Variants in ZNF738 observed in about 807,000 individuals in gnomAD.
ZNF738 encodes the protein zinc finger protein 738, also known as protein ZNF738.
In ZNF738, 10 loss-of-function variants were observed where a neutral mutation model predicts 9.2. The observed-to-expected ratio is 1.09, with a 90% CI of 0.67 to 1.85. The LOEUF (loss-of-function observed/expected upper bound fraction) is 1.85, where lower values mean the gene tolerates loss of function less well. Among genes scored for constraint, ZNF738 ranks in the 40% most tolerant of loss-of-function variants. ZNF738 has a pLI of 0.00. For synonymous variants in ZNF738, 113 were observed against 94.5 expected, an observed-to-expected ratio of 1.20 and a Z score of -1.14; for missense variants, 346 against 283.6, an observed-to-expected ratio of 1.22 and a Z score of -1.58.
At chr19:21,363,384 T>G (rs1973726125) in intron 2 of ZNF738, among the ~76,000 whole-genome samples, 1 of 152,172 alleles carries the variant, frequency 6.6e-6, no homozygotes, top group Non-Finnish European at 1.5e-5. Flanking sequence ...TAGTTTTTTC[T>G]GGAGTGCCTC....
intron 2 of ZNF738, among the ~76,000 whole-genome samples, chr19:21,370,063 C>T (rs6511233): frequency 0.57 from 85,987 of 152,036 alleles, 24,603 homozygotes; most frequent in Middle Eastern, 0.69. Flanking sequence ...CCGCCAACCT[C>T]GGCCTCCCAA....
chr19:21,362,097 G>T (rs12397583), intron 2 of ZNF738, among the ~76,000 whole-genome samples: 1 of 148,110 alleles, frequency 6.8e-6, no homozygotes, highest in African/African-American at 2.5e-5. Flanking sequence ...TAATAATAAT[G>T]ATAATAATAA....
chr19:21,368,631 T>A lies in ZNF738; in HGVS notation c.97-6607T>A, dbSNP rs139076790. On this transcript the variant is annotated intron_variant, in intron 2 of 4. Transcript: ENST00000683779. ...TGCCACCAAGCCCTGCTAATTTTTGTATTTTTAGTAGAGATGGGGTTTCAC... is the reference window on the plus strand; with the variant it reads ...TGCCACCAAGCCCTGCTAATTTTTGAATTTTTAGTAGAGATGGGGTTTCAC... Among the ~76,000 whole-genome samples the A allele has an allele frequency of 7.0e-3, 1,061 of 151,932 alleles. 12 individuals are homozygous for A. The highest frequency in any genetic ancestry group is 0.024 in the African/African-American group (985 of 41,424).
At chr19:21,378,528 CA>C (rs1376570585) in intron 4 of ZNF738, 2 of 258,164 alleles carry the variant, frequency 7.7e-6, no homozygotes, top group African/African-American at 4.7e-5. Context: ...CTATATCACA[CA>C]GTTTTCTTCT....
chr19:21,383,413 A>T lies in ZNF738; in HGVS notation c.867A>T (p.Lys289Asn), dbSNP rs1974030116. ...TTCATGCTGGAGAGAAACACTACAA[A>T]TGTGAAAAATGTGGCAAAGATTTTA... ...KVIHAGEKHYKCEKCGKDFKQ... is the reference protein window; with the variant it reads ...KVIHAGEKHYNCEKCGKDFKQ... Residue 289 changes from lysine to asparagine, a missense_variant, in exon 5 of 5, where the codon AAA becomes AAT. Transcript: ENST00000683779. The T allele has an allele frequency of 3.5e-6, 2 of 573,370 alleles. No individual in the cohort carries two copies. Among genetic ancestry groups the T allele is most frequent in the Non-Finnish European group, 6.0e-6 (2 of 331,250 alleles). 35.5% of individuals were successfully genotyped at this position (573,370 alleles called of 1,614,324 possible). A position where few individuals can be genotyped will look rare whatever the true frequency, so the allele number is the denominator to read the frequency against.
intron 3 of ZNF738, 85 bp downstream of exon 3, chr19:21,375,449 T>C (rs2145233713): frequency 5.0e-6 from 3 of 601,992 alleles, no homozygotes; most frequent in Non-Finnish European, 9.0e-6. Context: ...TGGTAGTTTA[T>C]GCTTTGCATA....
chr19:21,364,401 G>GTTCT (rs1163420133), intron 2 of ZNF738, among the ~76,000 whole-genome samples: 1 of 152,038 alleles, frequency 6.6e-6, no homozygotes, highest in Non-Finnish European at 1.5e-5. Context: ...AAGTCAGCAT[G>GTTCT]TTCTTAGGAG....
rs773857889 is a variant in ZNF738, at chr19:21,385,850, A to G, written c.*2176A>G. On this transcript the variant is annotated 3_prime_UTR_variant, in exon 5 of 5. Coordinates refer to ENST00000683779, the MANE Select transcript of ZNF738 (RefSeq NM_001355237.2). ...GTGATTCATTCTGGAGAGAAATTCTACAAATGTGAAGAATGTGGCAAAGGC... is the reference window on the plus strand; with the variant it reads ...GTGATTCATTCTGGAGAGAAATTCTGCAAATGTGAAGAATGTGGCAAAGGC... Among the ~76,000 whole-genome samples the G allele has an allele frequency of 1.4e-4, 21 of 152,198 alleles. No homozygotes were observed. Among genetic ancestry groups the G allele is most frequent in the Non-Finnish European group, 2.6e-4 (18 of 68,032 alleles).
chr19:21,368,663 G>A (rs906734649), intron 2 of ZNF738, among the ~76,000 whole-genome samples: 3 of 151,776 alleles, frequency 2.0e-5, no homozygotes, highest in African/African-American at 7.3e-5. Context: ...TCACCATGTT[G>A]CTCAGGATGG....
chr19:21,383,867 A>C lies in ZNF738; in HGVS notation c.*193A>C. ...GTGGCAAAGCTTTCTTCAGATTCTC[A>C]TACCTTACTACACATAAGATAATTC... On this transcript the variant is annotated 3_prime_UTR_variant, in exon 5 of 5. Transcript: ENST00000683779. The C allele has an allele frequency of 7.3e-7, 1 of 1,374,830 alleles. No individual in the cohort carries two copies. The highest frequency in any genetic ancestry group is 1.0e-6 in the Non-Finnish European group (1 of 970,622). The allele number at this position is 1,374,830 out of a possible 1,614,324, so 85.2% of individuals were successfully genotyped here. A position where few individuals can be genotyped will look rare whatever the true frequency, so the allele number is the denominator to read the frequency against.
At chr19:21,367,718 T>G (rs1195241903) in intron 2 of ZNF738, among the ~76,000 whole-genome samples, 1 of 152,134 alleles carries the variant, frequency 6.6e-6, no homozygotes, top group African/African-American at 2.4e-5. Flanking sequence ...AAAGGAGATC[T>G]AATGACAGAC....
rs1258335364 is a variant in ZNF738 at position 21,386,678 on chromosome 19, A to G, written c.*3004A>G. ...TTGGAGATTAACCTTATGAGTGTGA[A>G]AAATATGGCAAAAGCTTTAACTAGT... On this transcript the variant is annotated 3_prime_UTR_variant, in exon 5 of 5. Transcript: ENST00000683779. 5.5e-6 allele frequency: 1 copy of G among 181,704 alleles called. No homozygotes were observed. The highest frequency in any genetic ancestry group is 1.2e-5 in the Non-Finnish European group (1 of 81,008). 11.3% of individuals were successfully genotyped at this position (181,704 alleles called of 1,614,324 possible).
intron 4 of ZNF738, chr19:21,378,519 T>C (rs1973963140): frequency 8.3e-6 from 2 of 242,346 alleles, no homozygotes; most frequent in Middle Eastern, 1.8e-3. Context: ...CAGATTTCAC[T>C]ATATCACACA....
At chr19:21,361,160 G>T (rs528756536) in intron 1 of ZNF738, among the ~76,000 whole-genome samples, 1 of 150,956 alleles carries the variant, frequency 6.6e-6, no homozygotes, top group Admixed American at 6.6e-5. Flanking sequence ...GTTTTGAGAC[G>T]GAGTTTTGCT....
chr19:21,371,643 G>A (rs563637822), intron 2 of ZNF738, among the ~76,000 whole-genome samples: 7 of 152,312 alleles, frequency 4.6e-5, no homozygotes, highest in African/African-American at 1.7e-4. Flanking sequence ...TGGATACATG[G>A]TTGAATTAAG....
intron 4 of ZNF738, among the ~76,000 whole-genome samples, chr19:21,382,089 G>A (rs2937173): frequency 1.4e-4 from 11 of 80,578 alleles, no homozygotes; most frequent in African/African-American, 5.0e-4. Flanking sequence ...TTTTTGAGAT[G>A]TAGTCTTGCT....
intron 4 of ZNF738, chr19:21,378,621 T>C: frequency 2.8e-6 from 1 of 360,882 alleles, no homozygotes; most frequent in Non-Finnish European, 5.8e-6. Flanking sequence ...TTTTTTTTTT[T>C]TTTTGAGATG....
Position 21,386,285 on chromosome 19 carries a change from T to C in ZNF738, c.*2611T>C, listed in dbSNP as rs139265884. 532 of 284,118 alleles carry C rather than the reference T, an allele frequency of 1.9e-3. 3 individuals carry two copies. The highest frequency in any genetic ancestry group is 0.011 in the African/African-American group (492 of 44,922). 17.6% of individuals were successfully genotyped at this position (284,118 alleles called of 1,614,324 possible). ...AAATGTGAAAAATGTAGCAAACCTTTTAACTAATCCTCAACCCTTACTACA... is the reference window on the plus strand; with the variant it reads ...AAATGTGAAAAATGTAGCAAACCTTCTAACTAATCCTCAACCCTTACTACA... On this transcript the variant is annotated 3_prime_UTR_variant, in exon 5 of 5. Transcript: ENST00000683779.
rs146484058 is a variant in ZNF738 at position 21,382,699 on chromosome 19, G to A, written c.320-167G>A. Among the ~76,000 whole-genome samples the A allele has an allele frequency of 6.8e-3, 1,041 of 152,032 alleles. 7 individuals are homozygous for A. Among genetic ancestry groups the A allele is most frequent in the South Asian group, 0.017 (81 of 4,820 alleles). On this transcript the variant is annotated intron_variant, in intron 4 of 4. Coordinates refer to ENST00000683779, the MANE Select transcript of ZNF738 (RefSeq NM_001355237.2). ...ATAATTTTTTCTCAGATGTATTTTCGTTAGTATGTTTTTGTTACATATATA... is the reference window on the plus strand; with the variant it reads ...ATAATTTTTTCTCAGATGTATTTTCATTAGTATGTTTTTGTTACATATATA...
Sources: gnomAD v4.1 joint callset for allele counts (sites outside exome capture counted in the v4.1 genomes callset) on GRCh38, gnomAD v4.1.1 for gene constraint, MANE v1.5 for transcripts, NCBI Gene and HGNC (gene_info 2026-07-23, HGNC 2026-07-21) for gene names.